TMEM196: variants seen among roughly 807,000 people sequenced by gnomAD.
TMEM196 encodes the protein transmembrane protein 196.
In TMEM196, 17 loss-of-function variants were observed where a neutral mutation model predicts 20.0. That is an observed-to-expected ratio of 0.85 (90% CI 0.58 to 1.27). The LOEUF is 1.27. Ranked by LOEUF, TMEM196 falls within the 50% of genes most tolerant of loss-of-function variation. The pLI is 0.00. For missense variants in TMEM196, 267 were observed against 223.0 expected (o/e 1.20, Z -1.26); for synonymous variants, 113 against 88.9 (o/e 1.27, Z -1.52).
At chr7:19,772,509 G>C (rs572177712) in intron 1 of TMEM196, 41 bp downstream of exon 1, 1 of 1,500,476 alleles carries the variant, frequency 6.7e-7, no homozygotes, top group East Asian at 2.6e-5. Flanking sequence ...GAGGTAAAGA[G>C]AGAGTGAAAT....
At chr7:19,755,240 T>A (rs1415403046) in intron 1 of TMEM196, among the ~76,000 whole-genome samples, 1 of 152,246 alleles carries the variant, frequency 6.6e-6, no homozygotes, top group Non-Finnish European at 1.5e-5. Flanking sequence ...GCCCTGATCA[T>A]ACTTTTTGGT....
chr7:19,725,768 T>C lies in TMEM196; in HGVS notation c.205A>G (p.Met69Val), dbSNP rs1783980526. Residue 69 changes from methionine to valine, a missense_variant and splice_region_variant, in exon 3 of 5, where the codon ATG becomes GTG. Transcript: ENST00000405844. ...ATACAGCAGGCTGAAAAGAGGATCA[T>C]CTGATAAGAAAAAGAAAGGCAGCGT... ...LCAKKKSGLVMILFSACCICG... is the reference protein window; with the variant it reads ...LCAKKKSGLVVILFSACCICG... The C allele has an allele frequency of 6.3e-7, 1 of 1,587,802 alleles. No homozygotes were observed. Among genetic ancestry groups the C allele is most frequent in the African/African-American group, 1.4e-5 (1 of 74,024 alleles).
chr7:19,752,177 A>G (rs1284326241), intron 1 of TMEM196, among the ~76,000 whole-genome samples: 1 of 152,320 alleles, frequency 6.6e-6, no homozygotes, highest in South Asian at 2.1e-4. Flanking sequence ...CTCAGCCTAC[A>G]ATCATTTTGC....
At chr7:19,727,730 T>C (rs1439317070) in intron 2 of TMEM196, among the ~76,000 whole-genome samples, 1 of 152,172 alleles carries the variant, frequency 6.6e-6, no homozygotes, top group East Asian at 1.9e-4. Context: ...TACCTTTAGT[T>C]TTCTGTTACA....
intron 1 of TMEM196, among the ~76,000 whole-genome samples, chr7:19,769,441 G>T (rs1785771458): frequency 6.6e-6 from 1 of 151,764 alleles, no homozygotes. Flanking sequence ...ACACACCTAA[G>T]CCCCAGAAAA....
intron 1 of TMEM196, among the ~76,000 whole-genome samples, chr7:19,748,830 A>G (rs1784857088): frequency 6.6e-6 from 1 of 152,220 alleles, no homozygotes; most frequent in Non-Finnish European, 1.5e-5. Context: ...AAATAATTAT[A>G]TGAAATTGAA....
intron 1 of TMEM196, among the ~76,000 whole-genome samples, chr7:19,733,198 C>T (rs11980205): frequency 0.19 from 28,799 of 152,080 alleles, 2,849 homozygotes; most frequent in East Asian, 0.32. Context: ...AAGATTGTGA[C>T]GTGTTGGACG....
intron 1 of TMEM196, among the ~76,000 whole-genome samples, chr7:19,730,039 A>G (rs774357913): frequency 2.6e-5 from 4 of 152,050 alleles, no homozygotes; most frequent in African/African-American, 7.2e-5. Flanking sequence ...GACGGATCAC[A>G]AGGTCAGGAG....
rs1389330649 is a variant in TMEM196 at position 19,720,032 on chromosome 7, G to A, written c.*2096C>T. The A allele has an allele frequency of 6.6e-6, 1 of 151,988 alleles. No homozygotes were observed. Among genetic ancestry groups the A allele is most frequent in the South Asian group, 2.1e-4 (1 of 4,820 alleles). 9.4% of individuals were successfully genotyped at this position (151,988 alleles called of 1,614,324 possible). A position where few individuals can be genotyped will look rare whatever the true frequency, so the allele number is the denominator to read the frequency against. On this transcript the variant is annotated 3_prime_UTR_variant, in exon 5 of 5. Transcript: ENST00000405844. ...ATTAGAGTCAGTGTTTATTCTTTCA[G>A]TACAAAACTACATCCTTGCATGAAT...
At chr7:19,766,946 AT>A (rs1785656163) in intron 1 of TMEM196, among the ~76,000 whole-genome samples, 1 of 152,146 alleles carries the variant, frequency 6.6e-6, no homozygotes, top group African/African-American at 2.4e-5. Context: ...TTAGGCAAAA[AT>A]GTCCAAATTA....
intron 1 of TMEM196, among the ~76,000 whole-genome samples, chr7:19,746,086 C>T (rs947108617): frequency 1.3e-5 from 2 of 152,032 alleles, no homozygotes; most frequent in Non-Finnish European, 2.9e-5. Context: ...TTTGACCTAC[C>T]TGGGAAATTG....
chr7:19,728,622 T>G (rs1784081096), intron 2 of TMEM196, among the ~76,000 whole-genome samples: 1 of 152,140 alleles, frequency 6.6e-6, no homozygotes, highest in Non-Finnish European at 1.5e-5. Flanking sequence ...AAAGGGTACT[T>G]CCTAGGGTCC....
At chr7:19,761,041 C>T (rs1044068177) in intron 1 of TMEM196, among the ~76,000 whole-genome samples, 1 of 152,174 alleles carries the variant, frequency 6.6e-6, no homozygotes, top group African/African-American at 2.4e-5. Flanking sequence ...TCAACGTTGA[C>T]TTGGCCCCAT....
intron 1 of TMEM196, among the ~76,000 whole-genome samples, chr7:19,742,301 T>A (rs207988): frequency 6.6e-6 from 1 of 152,142 alleles, no homozygotes; most frequent in African/African-American, 2.4e-5. Context: ...CACTTTCTGA[T>A]TGAAAACAAT....
At chr7:19,755,497 C>T (rs889588817) in intron 1 of TMEM196, among the ~76,000 whole-genome samples, 1 of 152,046 alleles carries the variant, frequency 6.6e-6, no homozygotes, top group Non-Finnish European at 1.5e-5. Context: ...TGAAATCCCA[C>T]TAATAAAAAG....
rs1053683180 is a variant in TMEM196, at chr7:19,773,580, C to G, written c.-884G>C. ...GGCGACCCCTACCTCCGCTTCTCCC[C>G]GTGGCTCCTTTCTGGGCTTCTATCC... On this transcript the variant is annotated 5_prime_UTR_variant, in exon 1 of 5. Transcript: ENST00000405844. 3 of 169,458 alleles carry G rather than the reference C, an allele frequency of 1.8e-5. No homozygotes were observed. The highest frequency in any genetic ancestry group is 1.0e-3 in the Middle Eastern group (2 of 1,950). 10.5% of individuals were successfully genotyped at this position (169,458 alleles called of 1,614,324 possible). A position where few individuals can be genotyped will look rare whatever the true frequency, so the allele number is the denominator to read the frequency against.
At chr7:19,760,352 C>CCTT (rs1785387583) in intron 1 of TMEM196, among the ~76,000 whole-genome samples, 1 of 92,178 alleles carries the variant, frequency 1.1e-5, no homozygotes, top group African/African-American at 4.6e-5. Flanking sequence ...ATATATTTTC[C>CCTT]TTTTTTTTTT....
intron 1 of TMEM196, among the ~76,000 whole-genome samples, chr7:19,765,288 T>C (rs927659602): frequency 1.3e-5 from 2 of 152,192 alleles, no homozygotes; most frequent in African/African-American, 4.8e-5. Context: ...TTTTATTCAA[T>C]ATTTAACAAT....
intron 1 of TMEM196, among the ~76,000 whole-genome samples, chr7:19,756,854 G>A (rs1354719847): frequency 2.6e-5 from 4 of 151,966 alleles, no homozygotes; most frequent in African/African-American, 9.7e-5. Context: ...TCACTGATGG[G>A]CAATTAGGTT....
Sources: allele counts gnomAD v4.1 joint callset (sites outside exome capture counted in the v4.1 genomes callset), GRCh38; gene constraint gnomAD v4.1.1; transcripts MANE v1.5; gene names NCBI Gene and HGNC (gene_info 2026-07-23, HGNC 2026-07-21).